Variants in DYNLT2 observed in about 807,000 individuals in gnomAD.
DYNLT2 encodes dynein light chain Tctex-type protein 2.
Under a neutral mutation model 24.3 loss-of-function variants are expected in DYNLT2, and 24 were observed. That is an observed-to-expected ratio of 0.99 (90% CI 0.71 to 1.39). The LOEUF is 1.39. Ranked by LOEUF, DYNLT2 falls within the 40% of genes most tolerant of loss-of-function variation. DYNLT2 has a pLI of 0.00. For synonymous variants in DYNLT2, 85 were observed against 85.4 expected (o/e 1.00, Z 0.03); for missense variants, 246 against 234.5 (o/e 1.05, Z -0.32).
rs753312915 is a variant in DYNLT2 at position 169,740,251 on chromosome 6, G to A, written c.531C>T (p.Val177=). 13 of 1,614,012 alleles carry A rather than the reference G, an allele frequency of 8.1e-6. No individual in the cohort carries two copies. The highest frequency in any genetic ancestry group is 2.2e-5 in the East Asian group (1 of 44,874). Residue 177 remains valine (V), a synonymous_variant, in exon 4 of 4, where the codon GTC becomes GTT. Coordinates refer to ENST00000366774, the MANE Select transcript of DYNLT2 (RefSeq NM_174910.3). ...AGGATTCTGCTTCGTGTTTAGCTGC[G>A]ACCCAGCTGTCCCATGCAATGTCCC... ...WIWDIAWDSW[V]AAKHEAESYV...
At chr6:169,730,051 T>C in the DYNLT2 span, among the ~76,000 whole-genome samples, 4 of 152,236 alleles carry the variant, frequency 2.6e-5, no homozygotes, top group Non-Finnish European at 4.4e-5. Flanking sequence ...ATTCCTCACA[T>C]AAAGTTAATA....
the DYNLT2 span, among the ~76,000 whole-genome samples, chr6:169,731,088 A>G: frequency 3.9e-5 from 6 of 152,040 alleles, no homozygotes; most frequent in African/African-American, 1.2e-4. Context: ...TTGGGGAAGA[A>G]AAGGAGGAAA....
the DYNLT2 span, among the ~76,000 whole-genome samples, chr6:169,730,100 AC>A: frequency 6.6e-6 from 1 of 152,236 alleles, no homozygotes; most frequent in African/African-American, 2.4e-5. Context: ...TTGTTGGGGA[AC>A]TGGTATTATT....
At chr6:169,728,418 C>T in the DYNLT2 span, among the ~76,000 whole-genome samples, 4 of 152,020 alleles carry the variant, frequency 2.6e-5, no homozygotes, top group Admixed American at 6.5e-5. Context: ...CTAATATTGG[C>T]GACAGCAAAG....
intron 3 of DYNLT2, among the ~76,000 whole-genome samples, chr6:169,742,100 A>C (rs1473806771): frequency 6.6e-6 from 1 of 152,188 alleles, no homozygotes; most frequent in African/African-American, 2.4e-5. Context: ...AACTCCTTAC[A>C]TAATTACACA....
chr6:169,747,699 C>T (rs916060140), intron 1 of DYNLT2, among the ~76,000 whole-genome samples: 51 of 152,190 alleles, frequency 3.4e-4, no homozygotes, highest in East Asian at 1.2e-3. Flanking sequence ...TTAAATTTGA[C>T]GAAAACTAAT....
In DYNLT2 at chr6:169,744,203, AT is replaced by A. The variant is rs778150764; in HGVS notation, c.191del (p.Asp64ValfsTer7). The A allele has an allele frequency of 1.1e-5, 18 of 1,613,650 alleles. No individual in the cohort carries two copies. The South Asian group carries it at 1.2e-4, about 11-fold the overall frequency. ...HNVQYVEPPF[D>X]DSIADIGKEW... ...CTTTACCTATATCAGCAATTGAGTC[AT>A]CAAAAGGAGGCTCCACATACTGAAC... On this transcript the variant is annotated frameshift_variant, in exon 2 of 4. Transcript: ENST00000366774. LOFTEE classifies it high-confidence loss of function.
the DYNLT2 span, among the ~76,000 whole-genome samples, chr6:169,732,414 A>C: frequency 7.2e-5 from 11 of 152,054 alleles, no homozygotes; most frequent in Admixed American, 7.2e-4. Flanking sequence ...GCATCTGTTG[A>C]CCCATCCTCT....
At chr6:169,746,588 ATAT>A (rs1481835584) in intron 1 of DYNLT2, among the ~76,000 whole-genome samples, 2 of 152,148 alleles carry the variant, frequency 1.3e-5, no homozygotes, top group African/African-American at 4.8e-5. Context: ...GCCCTTTAAC[ATAT>A]TAATCATAGT....
chr6:169,725,524 C>T, the DYNLT2 span: 3 of 393,962 alleles, frequency 7.6e-6, no homozygotes, highest in East Asian at 3.6e-5. Flanking sequence ...TTGCCTCTGT[C>T]CCACCACGTG....
At chr6:169,730,921 T>C in the DYNLT2 span, among the ~76,000 whole-genome samples, 1 of 152,166 alleles carries the variant, frequency 6.6e-6, no homozygotes, top group Non-Finnish European at 1.5e-5. Context: ...TCAAAAGTTA[T>C]GTATCTGAAT....
chr6:169,734,115 A>G, the DYNLT2 span, among the ~76,000 whole-genome samples: 2 of 152,180 alleles, frequency 1.3e-5, no homozygotes, highest in Middle Eastern at 3.4e-3. Flanking sequence ...AAAGCTTGTG[A>G]TTTTTGCACA....
chr6:169,727,984 A>G, the DYNLT2 span, among the ~76,000 whole-genome samples: 1 of 152,262 alleles, frequency 6.6e-6, no homozygotes, highest in Admixed American at 6.5e-5. Flanking sequence ...GAGGTGTGTC[A>G]GCAGGAAAGC....
downstream of DYNLT2, among the ~76,000 whole-genome samples, chr6:169,735,975 G>A (rs985471249): frequency 1.3e-5 from 2 of 152,080 alleles, no homozygotes; most frequent in African/African-American, 2.4e-5. Context: ...CTCCAGTATT[G>A]GGTACATATA....
chr6:169,748,562 C>G (rs1789864746), intron 1 of DYNLT2, among the ~76,000 whole-genome samples: 1 of 152,214 alleles, frequency 6.6e-6, no homozygotes, highest in African/African-American at 2.4e-5. Flanking sequence ...TTGTGATCAT[C>G]TGTCAGGCTT....
downstream of DYNLT2, among the ~76,000 whole-genome samples, chr6:169,736,180 C>G (rs1161642655): frequency 6.7e-6 from 1 of 150,128 alleles, no homozygotes; most frequent in Non-Finnish European, 1.5e-5. Context: ...GTAAATTTTC[C>G]TCCTTCCCTT....
the DYNLT2 span, among the ~76,000 whole-genome samples, chr6:169,728,561 A>G: frequency 1.3e-5 from 2 of 152,242 alleles, no homozygotes; most frequent in Non-Finnish European, 2.9e-5. Context: ...AAGTGATCTT[A>G]ATAATCAAAG....
intron 1 of DYNLT2, chr6:169,750,229 C>T (rs1404834821): frequency 3.3e-5 from 5 of 152,144 alleles, no homozygotes; most frequent in Non-Finnish European, 5.9e-5. Context: ...TTGTCTGCCT[C>T]AATATATAGA....
downstream of DYNLT2, among the ~76,000 whole-genome samples, chr6:169,735,216 A>AT (rs1416510719): frequency 4.0e-5 from 6 of 150,486 alleles, no homozygotes; most frequent in African/African-American, 9.8e-5. Context: ...TATTTAGTTA[A>AT]TTTTTTTTCA....
Sources: allele counts gnomAD v4.1 joint callset (sites outside exome capture counted in the v4.1 genomes callset), GRCh38; gene constraint gnomAD v4.1.1; transcripts MANE v1.5; gene names NCBI Gene and HGNC (gene_info 2026-07-23, HGNC 2026-07-21).